The following ZYG11A variants were observed in gnomAD, a reference collection of about 807,000 sequenced individuals.
The protein encoded by ZYG11A is zyg-11 family member A, cell cycle regulator, also known as protein zyg-11 homolog A.
ZYG11A carries 62 observed loss-of-function variants against 77.2 expected under a neutral mutation model. The observed-to-expected ratio is 0.80, with a 90% confidence interval of 0.65 to 0.99. ZYG11A has a LOEUF of 0.99. Among genes scored for constraint, ZYG11A ranks in the 50% least tolerant of loss-of-function variants. ZYG11A has a pLI of 0.00. For missense variants in ZYG11A, 828 were observed against 896.8 expected, an observed-to-expected ratio of 0.92 and a Z score of 0.98; for synonymous variants, 315 against 324.6, an observed-to-expected ratio of 0.97 and a Z score of 0.32.
In ZYG11A at chr1:52,894,058, G is replaced by A. The variant is rs934481472; in HGVS notation, c.*1101G>A. The stretch of plus-strand genomic sequence containing the variant: ...GACCTCCTGACCTCGTGATCCACCC[G>A]TCTCGGCCTCCCAAAGTGCTGGGAT... On this transcript the variant is annotated 3_prime_UTR_variant, in exon 14 of 14. Coordinates refer to ENST00000371528, the MANE Select transcript of ZYG11A (RefSeq NM_001004339.3). 2.6e-5 allele frequency: 4 copies of A among 151,968 alleles called. No individual in the cohort carries two copies. Among genetic ancestry groups the A allele is most frequent in the East Asian group, 1.9e-4 (1 of 5,162 alleles). The allele number at this position is 151,968 out of a possible 1,614,324, so 9.4% of individuals were successfully genotyped here. A position where few individuals can be genotyped will look rare whatever the true frequency, so the allele number is the denominator to read the frequency against.
intron 10 of ZYG11A, 138 bp downstream of exon 10, chr1:52,878,107 GA>G: frequency 1.4e-6 from 1 of 719,482 alleles, no homozygotes; most frequent in Non-Finnish European, 2.3e-6. Context: ...TAGCCCTACA[GA>G]GTAAATACTA....
chr1:52,874,228 G>A (rs1188302880), intron 8 of ZYG11A, among the ~76,000 whole-genome samples: 1 of 112,748 alleles, frequency 8.9e-6, no homozygotes, highest in African/African-American at 3.1e-5. Context: ...GCGTTTTTTA[G>A]CTCTCTCTCT....
chr1:52,881,751 TG>T, intron 11 of ZYG11A, 86 bp downstream of exon 11: 18 of 1,098,540 alleles, frequency 1.6e-5, no homozygotes, highest in Middle Eastern at 2.2e-4. Flanking sequence ...ATAATATGAT[TG>T]TAGAAAGTGG....
In ZYG11A at chr1:52,877,861, A is replaced by G; in HGVS notation, c.1704+18A>G. ...TCTTGGAGGTGGGAAGACAGGATTG[A>G]GTTTATATGTAAAGTTCTTCTCTTC... On this transcript the variant is annotated intron_variant, in intron 9 of 13. Transcript: ENST00000371528. 4 of 1,551,020 alleles carry G rather than the reference A, an allele frequency of 2.6e-6. No individual in the cohort carries two copies. The highest frequency in any genetic ancestry group is 4.9e-5 in the East Asian group (2 of 40,912).
Position 52,859,678 on chromosome 1 carries a change from T to TGCC in ZYG11A, c.1009-1053_1009-1052insGCC, listed in dbSNP as rs1161151682. Among the ~76,000 whole-genome samples, 92 of 64,746 alleles carry TGCC rather than the reference T, an allele frequency of 1.4e-3. 4 individuals carry two copies. Among genetic ancestry groups the TGCC allele is most frequent in the Admixed American group, 3.5e-3 (27 of 7,698 alleles). 42.5% of individuals were successfully genotyped at this position (64,746 alleles called of 152,430 possible). ...TGTTTGTGTATTGCCTTTTTTTTTT[T>TGCC]TTTTTTTTTTTTTTTTTGAGACAGA... On this transcript the variant is annotated intron_variant, in intron 3 of 13. Coordinates refer to ENST00000371528, the MANE Select transcript of ZYG11A (RefSeq NM_001004339.3).
chr1:52,884,850 A>G (rs1175759476), intron 11 of ZYG11A, among the ~76,000 whole-genome samples: 1 of 151,918 alleles, frequency 6.6e-6, no homozygotes, highest in Non-Finnish European at 1.5e-5. Context: ...GGATCACAGA[A>G]GAAATCGGGG....
chr1:52,867,666 C>CT, intron 7 of ZYG11A, 28 bp downstream of exon 7: 1 of 1,549,472 alleles, frequency 6.5e-7, no homozygotes, highest in Non-Finnish European at 8.7e-7. Flanking sequence ...GGCAAGATGT[C>CT]TATCTCTCTA....
intron 3 of ZYG11A, among the ~76,000 whole-genome samples, chr1:52,859,312 T>C (rs977650507): frequency 6.6e-6 from 1 of 151,788 alleles, no homozygotes; most frequent in African/African-American, 2.4e-5. Context: ...TGTCCGTATA[T>C]GTGTGAGTCT....
intron 11 of ZYG11A, among the ~76,000 whole-genome samples, chr1:52,882,651 G>T (rs568337616): frequency 6.6e-6 from 1 of 152,134 alleles, no homozygotes. Flanking sequence ...AAATGGCTGG[G>T]TATAGAATTC....
At chr1:52,887,976 T>G (rs1646478957) in intron 13 of ZYG11A, among the ~76,000 whole-genome samples, 1 of 152,156 alleles carries the variant, frequency 6.6e-6, no homozygotes, top group African/African-American at 2.4e-5. Context: ...GAGACAACTT[T>G]TAGAATTAAA....
intron 13 of ZYG11A, among the ~76,000 whole-genome samples, chr1:52,891,405 T>C (rs1646540899): frequency 6.6e-6 from 1 of 151,898 alleles, no homozygotes; most frequent in African/African-American, 2.4e-5. Flanking sequence ...TTAGCAGGGC[T>C]TATTTTTCTG....
chr1:52,889,513 G>C (rs994679389), intron 13 of ZYG11A, among the ~76,000 whole-genome samples: 6 of 151,594 alleles, frequency 4.0e-5, no homozygotes, highest in African/African-American at 1.2e-4. Context: ...GAACTCCTGG[G>C]CTTGAGTGAT....
At chr1:52,890,483 C>T (rs1646526526) in intron 13 of ZYG11A, among the ~76,000 whole-genome samples, 1 of 151,674 alleles carries the variant, frequency 6.6e-6, no homozygotes, top group Admixed American at 6.6e-5. Context: ...AGATGTTCGC[C>T]TCAGCCTCCC....
At chr1:52,870,459 G>A (rs1009572508) in intron 8 of ZYG11A, among the ~76,000 whole-genome samples, 1 of 152,166 alleles carries the variant, frequency 6.6e-6, no homozygotes, top group Non-Finnish European at 1.5e-5. Flanking sequence ...CAGACAGGGC[G>A]GCGGCCGGGC....
intron 8 of ZYG11A, among the ~76,000 whole-genome samples, chr1:52,872,644 G>GC (rs1415399146): frequency 6.6e-6 from 1 of 150,852 alleles, no homozygotes; most frequent in Non-Finnish European, 1.5e-5. Context: ...ATTTTGGGAG[G>GC]CCAAGGCAGG....
chr1:52,884,176 G>A (rs1646407721), intron 11 of ZYG11A, among the ~76,000 whole-genome samples: 1 of 147,546 alleles, frequency 6.8e-6, no homozygotes, highest in Non-Finnish European at 1.5e-5. Flanking sequence ...CACTGCACCC[G>A]GCCAATAAAT....
At chr1:52,870,909 GA>G (rs1325432020) in intron 8 of ZYG11A, among the ~76,000 whole-genome samples, 1 of 151,664 alleles carries the variant, frequency 6.6e-6, no homozygotes, top group Non-Finnish European at 1.5e-5. Flanking sequence ...AGGGAGAGGG[GA>G]TTTTTTTATA....
chr1:52,843,584 T>A (rs1455901977), intron 1 of ZYG11A, among the ~76,000 whole-genome samples: 1 of 152,194 alleles, frequency 6.6e-6, no homozygotes, highest in Non-Finnish European at 1.5e-5. Flanking sequence ...GTCCCCAGCC[T>A]TTGCCGAATG....
At chr1:52,859,890 C>T (rs1645894332) in intron 3 of ZYG11A, among the ~76,000 whole-genome samples, 1 of 151,902 alleles carries the variant, frequency 6.6e-6, no homozygotes, top group Non-Finnish European at 1.5e-5. Context: ...GTTGGCCAGG[C>T]TGGTCTTGAA....
Sources: allele counts gnomAD v4.1 joint callset (sites outside exome capture counted in the v4.1 genomes callset), GRCh38; gene constraint gnomAD v4.1.1; transcripts MANE v1.5; gene names NCBI Gene and HGNC (gene_info 2026-07-23, HGNC 2026-07-21).